The following ZNF652 variants were observed in gnomAD, a reference collection of about 807,000 sequenced individuals.
ZNF652 encodes the protein zinc finger protein 652.
Under a neutral mutation model 45.2 loss-of-function variants are expected in ZNF652, and 16 were observed. The ratio of observed to expected loss-of-function variants is 0.35; its 90% confidence interval spans 0.24 to 0.54. The LOEUF is 0.54. Ranked by LOEUF, ZNF652 falls within the 20% of genes least tolerant of loss-of-function variation. ZNF652 has a pLI of 0.91. For missense variants in ZNF652, 614 were observed against 765.6 expected (o/e 0.80, Z 2.34); for synonymous variants, 250 against 260.6 (o/e 0.96, Z 0.39).
At chr17:49,311,902 G>A (rs763020479) in intron 4 of ZNF652, 25 bp downstream of exon 4, 11 of 1,586,778 alleles carry the variant, frequency 6.9e-6, no homozygotes, top group African/African-American at 1.3e-5. Flanking sequence ...CCTAGGCCTG[G>A]GCCTGTAGGT....
intron 5 of ZNF652, among the ~76,000 whole-genome samples, chr17:49,308,949 C>T (rs1414024076): frequency 1.3e-5 from 2 of 151,788 alleles, no homozygotes; most frequent in Non-Finnish European, 2.9e-5. Flanking sequence ...ATGAAAGAAA[C>T]ACTTGTTTCA....
chr17:49,318,160 C>T (rs538040400), intron 1 of ZNF652, among the ~76,000 whole-genome samples, 177 bp from the exon 2 acceptor site: 1 of 152,296 alleles, frequency 6.6e-6, no homozygotes, highest in African/African-American at 2.4e-5. Flanking sequence ...TCACTGCAAC[C>T]TCTGCTGCCT....
At chr17:49,309,383 G>A (rs556094380) in intron 5 of ZNF652, among the ~76,000 whole-genome samples, 115 of 144,660 alleles carry the variant, frequency 7.9e-4, no homozygotes, top group African/African-American at 2.7e-3. Context: ...TGGTGAACTC[G>A]CGTAATCTCA....
At chr17:49,355,268 A>G (rs753477100) in intron 1 of ZNF652, among the ~76,000 whole-genome samples, 1 of 152,182 alleles carries the variant, frequency 6.6e-6, no homozygotes, top group African/African-American at 2.4e-5. Context: ...TGTGATTTCA[A>G]TATTATGAAA....
intron 1 of ZNF652, among the ~76,000 whole-genome samples, chr17:49,341,617 C>G (rs1007103352): frequency 7.3e-5 from 11 of 151,632 alleles, no homozygotes; most frequent in Admixed American, 2.0e-4. Flanking sequence ...TGAGCTGTGA[C>G]CACACCACTA....
intron 5 of ZNF652, among the ~76,000 whole-genome samples, chr17:49,310,190 T>C (rs563350996): frequency 2.6e-5 from 4 of 152,180 alleles, no homozygotes; most frequent in Non-Finnish European, 4.4e-5. Flanking sequence ...CCTGACCTTG[T>C]GACCCACCCG....
intron 1 of ZNF652, among the ~76,000 whole-genome samples, chr17:49,341,167 G>A (rs1009370821): frequency 5.9e-5 from 9 of 151,944 alleles, no homozygotes; most frequent in African/African-American, 1.7e-4. Context: ...GCTGAGAGTC[G>A]AGATCAGGCC....
chr17:49,307,909 T>G (rs2069655194), intron 5 of ZNF652, among the ~76,000 whole-genome samples: 1 of 152,196 alleles, frequency 6.6e-6, no homozygotes, highest in Non-Finnish European at 1.5e-5. Flanking sequence ...TATATAGCCA[T>G]TAAAGTTATA....
At chr17:49,303,123 C>T (rs1414299311) in intron 5 of ZNF652, among the ~76,000 whole-genome samples, 1 of 151,784 alleles carries the variant, frequency 6.6e-6, no homozygotes, top group Non-Finnish European at 1.5e-5. Flanking sequence ...GCCAGGAGTT[C>T]AAGACCAGCC....
intron 1 of ZNF652, among the ~76,000 whole-genome samples, chr17:49,344,237 T>C (rs1393350463): frequency 1.3e-5 from 2 of 151,358 alleles, no homozygotes; most frequent in East Asian, 2.0e-4. Flanking sequence ...TGGTGGTGCA[T>C]GCCTATAGTC....
At chr17:49,336,165 C>T (rs975680851) in intron 1 of ZNF652, among the ~76,000 whole-genome samples, 5 of 151,386 alleles carry the variant, frequency 3.3e-5, no homozygotes. Context: ...GCTGGGATTA[C>T]AGGCACGCGC....
intron 1 of ZNF652, among the ~76,000 whole-genome samples, chr17:49,327,046 A>G (rs1480838423): frequency 6.6e-6 from 1 of 152,214 alleles, no homozygotes; most frequent in Non-Finnish European, 1.5e-5. Flanking sequence ...AAACTGTACT[A>G]AAAAACTGAA....
intron 1 of ZNF652, among the ~76,000 whole-genome samples, chr17:49,351,011 A>ATG (rs1182945406): frequency 0.077 from 1,659 of 21,548 alleles, 85 homozygotes; most frequent in African/African-American, 0.2. Flanking sequence ...ATATATATAT[A>ATG]TATACACACA....
chr17:49,345,332 A>G (rs1438305614), intron 1 of ZNF652, among the ~76,000 whole-genome samples: 1 of 150,376 alleles, frequency 6.6e-6, no homozygotes, highest in Admixed American at 6.6e-5. Flanking sequence ...CCTCCCAAGT[A>G]GCTGGGATTA....
At chr17:49,342,720 G>T (rs571873206) in intron 1 of ZNF652, among the ~76,000 whole-genome samples, 1 of 152,110 alleles carries the variant, frequency 6.6e-6, no homozygotes, top group East Asian at 1.9e-4. Flanking sequence ...CTGAACTATA[G>T]AACATGTGAC....
Position 49,327,058 on chromosome 17 carries a change from C to G in ZNF652, c.-258-9075G>C, listed in dbSNP as rs186206693. The stretch of plus-strand genomic sequence containing the variant: ...AAGAAACTGTACTAAAAAACTGAAA[C>G]GCTTGGTAAATTCTACTCTGATTTA... On this transcript the variant is annotated intron_variant, in intron 1 of 5. Coordinates refer to ENST00000430262, the MANE Select transcript of ZNF652 (RefSeq NM_001145365.3). Among the ~76,000 whole-genome samples the G allele has an allele frequency of 3.3e-5, 5 of 152,250 alleles. No homozygotes were observed. In the East Asian group the frequency reaches 9.6e-4, roughly 29 times the overall value.
At chr17:49,342,394 GA>G (rs1304053738) in intron 1 of ZNF652, among the ~76,000 whole-genome samples, 1 of 151,936 alleles carries the variant, frequency 6.6e-6, no homozygotes, top group African/African-American at 2.4e-5. Context: ...AAGAAAAGGG[GA>G]TAATTTCAAA....
At chr17:49,359,643 G>C (rs1042560690) in intron 1 of ZNF652, among the ~76,000 whole-genome samples, 1 of 152,102 alleles carries the variant, frequency 6.6e-6, no homozygotes, top group African/African-American at 2.4e-5. Flanking sequence ...ACGACCGAAA[G>C]GCAAAAGCTG....
intron 5 of ZNF652, among the ~76,000 whole-genome samples, chr17:49,310,739 A>G (rs2069698401): frequency 6.6e-6 from 1 of 152,046 alleles, no homozygotes; most frequent in South Asian, 2.1e-4. Flanking sequence ...CTGTCTCTAC[A>G]AAAAATACAA....
Sources: allele counts gnomAD v4.1 joint callset (sites outside exome capture counted in the v4.1 genomes callset), GRCh38; gene constraint gnomAD v4.1.1; transcripts MANE v1.5; gene names NCBI Gene and HGNC (gene_info 2026-07-23, HGNC 2026-07-21).